FRMPD4: variants seen among roughly 807,000 people sequenced by gnomAD.
The protein encoded by FRMPD4 is FERM and PDZ domain-containing protein 4.
Under a neutral mutation model 94.1 loss-of-function variants are expected in FRMPD4, and 22 were observed. That is an observed-to-expected ratio of 0.23 (90% confidence interval 0.17 to 0.33). The LOEUF (loss-of-function observed/expected upper bound fraction) is 0.33. FRMPD4 is among the 10% of genes least tolerant of loss of function. FRMPD4 has a pLI of 1.00. For synonymous variants in FRMPD4, 631 were observed against 548.6 expected (o/e 1.15, Z -2.10); for missense variants, 1,111 against 1,339.9 (o/e 0.83, Z 2.67).
chrX:12,662,915 C>G (rs1243237414), intron 4 of FRMPD4, among the ~76,000 whole-genome samples: 1 of 112,540 alleles, frequency 8.9e-6, no homozygotes, highest in African/African-American at 3.2e-5. Flanking sequence ...GAGATGGTAT[C>G]TCATTGTGGT....
chrX:12,056,093 A>G (rs1242916070), intron 3 of FRMPD4, among the ~76,000 whole-genome samples: 1 of 111,914 alleles, frequency 8.9e-6, no homozygotes, highest in East Asian at 2.8e-4. Context: ...TATGTGTACA[A>G]ACTAAAAATT....
intron 2 of FRMPD4, among the ~76,000 whole-genome samples, chrX:12,554,901 C>A (rs1443693133): frequency 9.0e-6 from 1 of 111,616 alleles, no homozygotes; most frequent in Non-Finnish European, 1.9e-5. Flanking sequence ...AGGTGCGAGC[C>A]ACCATGCCTG....
At chrX:11,955,927 C>T (rs1402946379) in intron 3 of FRMPD4, among the ~76,000 whole-genome samples, 1 of 111,524 alleles carries the variant, frequency 9.0e-6, no homozygotes, top group African/African-American at 3.3e-5. Flanking sequence ...CTTTTCACTA[C>T]ACTTCAGGAA....
chrX:12,105,272 G>A (rs1396381711), intron 3 of FRMPD4, among the ~76,000 whole-genome samples: 1 of 112,126 alleles, frequency 8.9e-6, no homozygotes, highest in Non-Finnish European at 1.9e-5. Flanking sequence ...AACCATACCT[G>A]CAGCATCATG....
intron 1 of FRMPD4, among the ~76,000 whole-genome samples, chrX:12,294,298 A>G (rs763282424): frequency 9.0e-6 from 1 of 111,576 alleles, no homozygotes; most frequent in South Asian, 3.8e-4. Flanking sequence ...ATGACAGTTT[A>G]TGGCAACAAA....
At position 12,302,368 on chromosome X, in the gene FRMPD4, G is replaced by A. The variant is rs139459523; in HGVS notation, c.41+163356G>A. 4.9e-4 allele frequency among the ~76,000 whole-genome samples: 55 copies of A among 111,696 alleles called. No homozygotes were observed. In the East Asian group the frequency reaches 0.012, roughly 24 times the overall value. On this transcript the variant is annotated intron_variant, in intron 1 of 16. Transcript: ENST00000675598. ...CAATTTATTAATTATTAGATGTTGCGTAATTTATTTTATTATTATTATAGT... is the reference window on the plus strand; with the variant it reads ...CAATTTATTAATTATTAGATGTTGCATAATTTATTTTATTATTATTATAGT...
At chrX:12,499,209 C>G (rs1328291669) in intron 2 of FRMPD4, among the ~76,000 whole-genome samples, 1 of 111,580 alleles carries the variant, frequency 9.0e-6, no homozygotes, top group Non-Finnish European at 1.9e-5. Flanking sequence ...ATGCTACTTT[C>G]TCATCTGTAA....
intron 2 of FRMPD4, among the ~76,000 whole-genome samples, chrX:12,552,070 G>A (rs1229807572): frequency 9.0e-6 from 1 of 111,432 alleles, no homozygotes; most frequent in Non-Finnish European, 1.9e-5. Flanking sequence ...GTTTTCCTAC[G>A]TTATTGTGAA....
rs766670382 is a variant in FRMPD4 at position 12,541,325 on chromosome X, C to A, written c.158+42529C>A. ...GGCTGGTTTTTTGAAAAGATCAACA[C>A]AATTGATAGACGGCTACCAAGATTA... On this transcript the variant is annotated intron_variant, in intron 2 of 16. Coordinates refer to ENST00000675598, the MANE Select transcript of FRMPD4 (RefSeq NM_001368397.1). 3.4e-3 allele frequency among the ~76,000 whole-genome samples: 382 copies of A among 110,864 alleles called. 2 individuals are homozygous for A. Among genetic ancestry groups the A allele is most frequent in the African/African-American group, 0.011 (346 of 30,503 alleles).
At chrX:12,710,614 C>T (rs1289465409) in intron 14 of FRMPD4, 77 bp downstream of exon 14, 1 of 1,003,626 alleles carries the variant, frequency 1.0e-6, no homozygotes, top group Non-Finnish European at 1.4e-6. Context: ...AGGATGTTTT[C>T]TGAAAAGTTA....
At chrX:12,474,381 T>C (rs1330424871) in intron 1 of FRMPD4, among the ~76,000 whole-genome samples, 1 of 111,124 alleles carries the variant, frequency 9.0e-6, no homozygotes, top group Non-Finnish European at 1.9e-5. Context: ...ATCAAGACCC[T>C]AATATCACAA....
rs374670611 is a variant in FRMPD4, at chrX:12,280,247, A to AAATAATAATAATAATAAT, written c.41+141250_41+141267dup. Among the ~76,000 whole-genome samples the AAATAATAATAATAATAAT allele has an allele frequency of 7.0e-3, 715 of 102,186 alleles. 4 individuals are homozygous for AAATAATAATAATAATAAT. Among genetic ancestry groups the AAATAATAATAATAATAAT allele is most frequent in the East Asian group, 0.013 (43 of 3,186 alleles). 88.7% of individuals were successfully genotyped at this position (102,186 alleles called of 115,157 possible). On this transcript the variant is annotated intron_variant, in intron 1 of 16. Coordinates refer to ENST00000675598, the MANE Select transcript of FRMPD4 (RefSeq NM_001368397.1). ...CTACATATTTAGTAAGGCTGCTTTA[A>AAATAATAATAATAATAAT]AATAATAATAATAATAATAATAATA...
chrX:12,233,754 C>T (rs1403069171), intron 1 of FRMPD4, among the ~76,000 whole-genome samples: 1 of 110,536 alleles, frequency 9.0e-6, no homozygotes, highest in East Asian at 2.8e-4. Context: ...AGCTGGGGAT[C>T]AGAGGGACAT....
chrX:12,329,857 CAA>C (rs750627076), intron 1 of FRMPD4, among the ~76,000 whole-genome samples: 1,750 of 55,456 alleles, frequency 0.032, 37 homozygotes, highest in African/African-American at 0.08. Context: ...AGTTTCTAAC[CAA>C]AAAAAAAAAA....
chrX:12,331,704 ATAAT>A (rs1482958064), intron 1 of FRMPD4, among the ~76,000 whole-genome samples: 2 of 65,671 alleles, frequency 3.0e-5, no homozygotes, highest in Non-Finnish European at 4.8e-5. Context: ...ATATAAATAT[ATAAT>A]ATATAATTTA....
intron 1 of FRMPD4, among the ~76,000 whole-genome samples, chrX:12,308,549 A>G (rs2054980527): frequency 9.0e-6 from 1 of 111,432 alleles, no homozygotes; most frequent in African/African-American, 3.3e-5. Context: ...TGTGCATTTG[A>G]ATTGAATGGT....
intron 1 of FRMPD4, among the ~76,000 whole-genome samples, chrX:11,862,900 G>A (rs1466163349): frequency 9.3e-6 from 1 of 107,909 alleles, no homozygotes; most frequent in Admixed American, 9.9e-5. Context: ...TTGTGGACTA[G>A]GACTAACTAA....
chrX:12,558,923 T>A (rs1476044641), intron 2 of FRMPD4, among the ~76,000 whole-genome samples: 13 of 111,913 alleles, frequency 1.2e-4, no homozygotes, highest in African/African-American at 4.2e-4. Flanking sequence ...AAAATAAGAA[T>A]AAATAATCTC....
rs1244424559 is a variant in FRMPD4, at chrX:12,720,960, G to C, written c.4391G>C (p.Ser1464Thr). The change falls in exon 17 of 17, where the codon AGC becomes ACC. Residue 1464 changes from serine (S) to threonine (T), a missense_variant. This residue lies in a region of FRMPD4 where 551 missense variants were observed against 591.6 expected (regional missense o/e 0.93). Transcript: ENST00000675598. The part of the protein sequence containing the change: ...KSFSQSSMHL[S>T]SEGRFHKRSP... ...TTTTCCCAAAGCTCAATGCACTTGA[G>C]CTCTGAGGGGAGGTTTCACAAAAGG... 2 of 782,052 alleles carry C rather than the reference G, an allele frequency of 2.6e-6. No homozygotes were observed. The highest frequency in any genetic ancestry group is 3.0e-6 in the Non-Finnish European group (2 of 656,219). 64.4% of individuals were successfully genotyped at this position (782,052 alleles called of 1,213,427 possible). A position where few individuals can be genotyped will look rare whatever the true frequency, so the allele number is the denominator to read the frequency against.
Sources: gnomAD v4.1 joint callset for allele counts (sites outside exome capture counted in the v4.1 genomes callset) on GRCh38, gnomAD v4.1.1 for gene constraint, gnomAD v4.1.1 regional missense constraint, MANE v1.5 for transcripts, NCBI Gene and HGNC (gene_info 2026-07-23, HGNC 2026-07-21) for gene names.